Variants in FHOD3 observed in about 807,000 individuals in gnomAD.
The protein encoded by FHOD3 is FH1/FH2 domain-containing protein 3.
FHOD3 carries 90 observed loss-of-function variants against 173.0 expected under a neutral mutation model. The ratio of observed to expected loss-of-function variants is 0.52; its 90% CI spans 0.44 to 0.62. The LOEUF (loss-of-function observed/expected upper bound fraction) is 0.62, where lower values mean the gene tolerates loss of function less well. Ranked by LOEUF, FHOD3 falls within the 20% of genes least tolerant of loss-of-function variation. The probability of loss-of-function intolerance (pLI) is 0.00; values close to 1 mark genes in which losing one functional copy is unlikely to be tolerated. For missense variants in FHOD3, 1,945 were observed against 2,034.7 expected (o/e 0.96, Z 0.85); for synonymous variants, 828 against 823.0 (o/e 1.01, Z -0.10).
At position 36,372,718 on chromosome 18, in the gene FHOD3, T is replaced by C; in HGVS notation, c.311T>C (p.Leu104Pro). 6.2e-7 allele frequency: 1 copy of C among 1,614,070 alleles called. No individual in the cohort carries two copies. Among genetic ancestry groups the C allele is most frequent in the Non-Finnish European group, 8.5e-7 (1 of 1,179,976 alleles). ...CACAGCATCATCCTAAGGACGCAGC[T>C]GTCTGTGAGGGTCCATGCCTGCATC... Reference protein sequence around the residue: ...KKHSIILRTQLSVRVHACIEK... With the variant: ...KKHSIILRTQPSVRVHACIEK... Residue 104 changes from leucine to proline, a missense_variant, in exon 3 of 29, where the codon CTG becomes CCG. By Grantham distance (98) the Leu-to-Pro change is moderately conservative. Coordinates refer to ENST00000590592, the MANE Select transcript of FHOD3 (RefSeq NM_001281740.3).
At chr18:36,364,214 TAAATA>T (rs34872771) in intron 2 of FHOD3, among the ~76,000 whole-genome samples, 3,177 of 152,234 alleles carry the variant, frequency 0.021, 112 homozygotes, top group African/African-American at 0.073. Context: ...TGTGGCAGTT[TAAATA>T]AAATAAAAGT....
intron 3 of FHOD3, among the ~76,000 whole-genome samples, chr18:36,420,179 C>T (rs551314962): frequency 3.2e-4 from 48 of 152,262 alleles, no homozygotes; most frequent in Admixed American, 2.5e-3. Flanking sequence ...CACACTCTCT[C>T]GGGCCTCTGT....
chr18:36,678,161 C>T (rs1467601391), intron 14 of FHOD3, among the ~76,000 whole-genome samples: 1 of 151,902 alleles, frequency 6.6e-6, no homozygotes, highest in Admixed American at 6.6e-5. Context: ...TGGCTTGGAC[C>T]ACCAGAATAA....
chr18:36,772,350 C>A lies in FHOD3; in HGVS notation c.4786+2924C>A, dbSNP rs528546579. 4.6e-5 allele frequency among the ~76,000 whole-genome samples: 7 copies of A among 152,264 alleles called. No homozygotes were observed. The East Asian group carries it at 1.3e-3, about 29-fold the overall frequency. The stretch of plus-strand genomic sequence containing the variant: ...CAGAGGTTAAAGGAACAACAAAAAG[C>A]AATTTGCAAAATCAATGTGAAGTTT... On this transcript the variant is annotated intron_variant, in intron 28 of 28. Transcript: ENST00000590592.
At chr18:36,511,655 C>T (rs12458763) in intron 4 of FHOD3, among the ~76,000 whole-genome samples, 21 of 152,088 alleles carry the variant, frequency 1.4e-4, no homozygotes, top group African/African-American at 4.8e-4. Context: ...CAGGGCCTCC[C>T]GCTAGAGATT....
At chr18:36,400,881 A>G (rs2048775317) in intron 3 of FHOD3, among the ~76,000 whole-genome samples, 1 of 152,236 alleles carries the variant, frequency 6.6e-6, no homozygotes, top group Non-Finnish European at 1.5e-5. Flanking sequence ...AAAAAGGATC[A>G]GGATGGTGAA....
rs748774981 is a variant in FHOD3, at chr18:36,780,170, G to A, written c.*640G>A. 4.1e-6 allele frequency: 5 copies of A among 1,231,840 alleles called. No homozygotes were observed. Among genetic ancestry groups the A allele is most frequent in the Non-Finnish European group, 4.0e-6 (4 of 988,026 alleles). The allele number at this position is 1,231,840 out of a possible 1,614,324, so 76.3% of individuals were successfully genotyped here. A position where few individuals can be genotyped will look rare whatever the true frequency, so the allele number is the denominator to read the frequency against. On this transcript the variant is annotated 3_prime_UTR_variant, in exon 29 of 29. Coordinates refer to ENST00000590592, the MANE Select transcript of FHOD3 (RefSeq NM_001281740.3). ...CCTCAGAAGCACCCTCGCTTGGAAC[G>A]GCCTTCAGATCCTTTGGGCTGTATT...
At chr18:36,731,052 A>G (rs769115343) in intron 20 of FHOD3, among the ~76,000 whole-genome samples, 4 of 152,162 alleles carry the variant, frequency 2.6e-5, no homozygotes, top group Admixed American at 6.5e-5. Context: ...GCCTACCTCA[A>G]AATGGAAGAA....
chr18:36,719,193 C>G (rs574547344), intron 19 of FHOD3, among the ~76,000 whole-genome samples: 3 of 152,194 alleles, frequency 2.0e-5, no homozygotes, highest in Non-Finnish European at 2.9e-5. Flanking sequence ...TTTGGCTTGG[C>G]CCTGATCAAG....
intron 3 of FHOD3, among the ~76,000 whole-genome samples, chr18:36,446,342 G>A (rs965753508): frequency 1.3e-5 from 2 of 152,118 alleles, no homozygotes; most frequent in Non-Finnish European, 2.9e-5. Flanking sequence ...CACGGAGTCA[G>A]GCTGGCTTTT....
chr18:36,464,934 C>T (rs565654149), intron 3 of FHOD3, among the ~76,000 whole-genome samples: 6 of 151,558 alleles, frequency 4.0e-5, no homozygotes, highest in African/African-American at 1.4e-4. Context: ...TTTTCTGTGA[C>T]ACACACACAC....
intron 2 of FHOD3, among the ~76,000 whole-genome samples, chr18:36,357,209 C>T (rs114640668): frequency 0.016 from 2,421 of 152,286 alleles, 57 homozygotes; most frequent in African/African-American, 0.054. Flanking sequence ...TCAGTATGTA[C>T]TGATGGCTTC....
At chr18:36,361,752 C>T (rs933627362) in intron 2 of FHOD3, among the ~76,000 whole-genome samples, 1 of 151,854 alleles carries the variant, frequency 6.6e-6, no homozygotes, top group South Asian at 2.1e-4. Flanking sequence ...GTTTGGGAAC[C>T]TGCAGCGTAG....
chr18:36,760,587 A>G, intron 26 of FHOD3, 21 bp from the exon 27 acceptor site: 1 of 1,542,036 alleles, frequency 6.5e-7, no homozygotes, highest in East Asian at 2.4e-5. Context: ...CTCACCTGCT[A>G]ACTTCCCCTT....
intron 17 of FHOD3, among the ~76,000 whole-genome samples, chr18:36,707,634 C>A (rs911129564): frequency 3.0e-4 from 45 of 152,258 alleles, no homozygotes; most frequent in African/African-American, 7.2e-4. Context: ...TTAGCTGGGC[C>A]CCCTGCCTAG....
At chr18:36,436,127 A>G (rs780520285) in intron 3 of FHOD3, among the ~76,000 whole-genome samples, 2 of 152,174 alleles carry the variant, frequency 1.3e-5, no homozygotes, top group Non-Finnish European at 2.9e-5. Flanking sequence ...ATATGCTAAA[A>G]TGGAAGCTAA....
intron 1 of FHOD3, among the ~76,000 whole-genome samples, chr18:36,322,368 C>G (rs919890880): frequency 6.6e-6 from 1 of 152,126 alleles, no homozygotes; most frequent in Admixed American, 6.5e-5. Context: ...GAGGAACATT[C>G]TTGGGGATCT....
intron 7 of FHOD3, among the ~76,000 whole-genome samples, chr18:36,598,410 G>C (rs993068713): frequency 1.3e-5 from 2 of 152,178 alleles, no homozygotes; most frequent in Non-Finnish European, 2.9e-5. Context: ...CATGCTGCAC[G>C]TGGGCTAACC....
intron 1 of FHOD3, among the ~76,000 whole-genome samples, chr18:36,331,839 C>T (rs2045028640): frequency 6.6e-6 from 1 of 152,050 alleles, no homozygotes; most frequent in South Asian, 2.1e-4. Flanking sequence ...CTGGAGTGCA[C>T]ACGGATAGGA....
Sources: allele counts gnomAD v4.1 joint callset (sites outside exome capture counted in the v4.1 genomes callset), GRCh38; gene constraint gnomAD v4.1.1; transcripts MANE v1.5; gene names NCBI Gene and HGNC (gene_info 2026-07-23, HGNC 2026-07-21).